Variants in SNTG1 observed in about 807,000 individuals in gnomAD.
SNTG1 encodes the protein gamma-1-syntrophin.
A neutral mutation model predicts 74.7 loss-of-function variants in SNTG1; 39 were observed. That is an observed-to-expected ratio of 0.52 (90% CI 0.40 to 0.68). The LOEUF (loss-of-function observed/expected upper bound fraction) is 0.68. SNTG1 is among the 30% of genes least tolerant of loss of function. The pLI is 0.00. For synonymous variants in SNTG1, 254 were observed against 217.1 expected (o/e 1.17, Z -1.49); for missense variants, 685 against 609.5 (o/e 1.12, Z -1.30).
intron 1 of SNTG1, among the ~76,000 whole-genome samples, chr8:50,001,855 A>T (rs532582644): frequency 5.4e-4 from 82 of 152,252 alleles, no homozygotes; most frequent in African/African-American, 1.8e-3. Flanking sequence ...AGTGTATTTG[A>T]TTTATACAAC....
intron 8 of SNTG1, among the ~76,000 whole-genome samples, chr8:50,459,442 G>T (rs538747261): frequency 6.6e-6 from 1 of 151,898 alleles, no homozygotes; most frequent in Admixed American, 6.6e-5. Context: ...TAAAATATTC[G>T]AATATATATT....
At chr8:50,015,258 A>C (rs1355186281) in intron 1 of SNTG1, among the ~76,000 whole-genome samples, 1 of 152,130 alleles carries the variant, frequency 6.6e-6, no homozygotes, top group Non-Finnish European at 1.5e-5. Flanking sequence ...GGAATAAGAA[A>C]TCCACCAGAG....
chr8:50,558,613 C>G (rs977551930), intron 12 of SNTG1, among the ~76,000 whole-genome samples: 3 of 151,422 alleles, frequency 2.0e-5, no homozygotes, highest in African/African-American at 7.3e-5. Flanking sequence ...TGAGGTATAA[C>G]CGGTGGGAAA....
At chr8:50,064,427 C>A (rs1017474096) in intron 1 of SNTG1, among the ~76,000 whole-genome samples, 1 of 152,186 alleles carries the variant, frequency 6.6e-6, no homozygotes, top group South Asian at 2.1e-4. Context: ...CCCACCATCA[C>A]TCCTACATAG....
At chr8:50,303,616 A>C (rs1033634541) in intron 2 of SNTG1, among the ~76,000 whole-genome samples, 1 of 152,076 alleles carries the variant, frequency 6.6e-6, no homozygotes, top group Non-Finnish European at 1.5e-5. Context: ...ATTTTCAAAT[A>C]GTAGGTGAAT....
At chr8:50,600,525 A>G (rs2094764937) in intron 13 of SNTG1, among the ~76,000 whole-genome samples, 1 of 152,016 alleles carries the variant, frequency 6.6e-6, no homozygotes, top group Non-Finnish European at 1.5e-5. Context: ...GGTAAGTTGT[A>G]TATGTCTACG....
intron 2 of SNTG1, among the ~76,000 whole-genome samples, chr8:50,195,091 A>G (rs1339515655): frequency 5.9e-5 from 9 of 152,084 alleles, no homozygotes; most frequent in Admixed American, 5.9e-4. Context: ...CACTGACCTC[A>G]GTCTCTACTT....
chr8:50,383,774 CCT>C (rs2092529427), intron 2 of SNTG1, among the ~76,000 whole-genome samples: 1 of 152,140 alleles, frequency 6.6e-6, no homozygotes, highest in African/African-American at 2.4e-5. Flanking sequence ...TAAGGAACCT[CCT>C]GTGCATACTC....
intron 2 of SNTG1, among the ~76,000 whole-genome samples, chr8:50,368,191 G>C (rs910677126): frequency 2.0e-5 from 3 of 152,142 alleles, no homozygotes; most frequent in African/African-American, 7.2e-5. Flanking sequence ...ACAGGCCACT[G>C]TAAGCTGGAG....
chr8:50,269,386 A>G (rs2087656481), intron 2 of SNTG1, among the ~76,000 whole-genome samples: 1 of 152,222 alleles, frequency 6.6e-6, no homozygotes, highest in South Asian at 2.1e-4. Context: ...AGAAAATTTG[A>G]GCAAAATTTG....
chr8:50,096,875 G>C (rs1244439505), intron 1 of SNTG1, among the ~76,000 whole-genome samples: 1 of 152,060 alleles, frequency 6.6e-6, no homozygotes, highest in Admixed American at 6.6e-5. Context: ...ATTTGGATCT[G>C]AGTATGAAAA....
chr8:50,448,515 CTT>C (rs2093426291), intron 5 of SNTG1, among the ~76,000 whole-genome samples: 1 of 152,100 alleles, frequency 6.6e-6, no homozygotes, highest in African/African-American at 2.4e-5. Flanking sequence ...TTCAGATTGT[CTT>C]TTCAACTAGG....
At chr8:50,435,138 T>C (rs532207236) in intron 4 of SNTG1, among the ~76,000 whole-genome samples, 3 of 152,302 alleles carry the variant, frequency 2.0e-5, no homozygotes, top group South Asian at 2.1e-4. Context: ...AAGGCTTTTT[T>C]TGTAACATTG....
chr8:50,425,535 A>G (rs527334453), intron 4 of SNTG1, among the ~76,000 whole-genome samples: 257 of 152,234 alleles, frequency 1.7e-3, no homozygotes, highest in Admixed American at 5.4e-3. Flanking sequence ...GAGTTGTATA[A>G]TTATCTCATT....
At chr8:50,577,374 G>A (rs1449349152) in intron 12 of SNTG1, among the ~76,000 whole-genome samples, 1 of 150,884 alleles carries the variant, frequency 6.6e-6, no homozygotes, top group African/African-American at 2.4e-5. Context: ...ACTGTTGAAT[G>A]TGCTGTTGAA....
intron 13 of SNTG1, among the ~76,000 whole-genome samples, chr8:50,646,797 G>T: frequency 6.6e-6 from 1 of 152,100 alleles, no homozygotes. Flanking sequence ...CAGGAGGCTC[G>T]TATTATCCAA....
At chr8:50,325,990 A>G (rs952291064) in intron 2 of SNTG1, among the ~76,000 whole-genome samples, 5 of 152,044 alleles carry the variant, frequency 3.3e-5, no homozygotes, top group Admixed American at 6.5e-5. Context: ...AGATAAGATC[A>G]TGTGATTTTT....
intron 2 of SNTG1, among the ~76,000 whole-genome samples, chr8:50,303,780 T>C (rs1417152253): frequency 6.6e-6 from 1 of 152,170 alleles, no homozygotes; most frequent in Non-Finnish European, 1.5e-5. Context: ...GAACATCCTC[T>C]TCTGTGAGCT....
intron 8 of SNTG1, among the ~76,000 whole-genome samples, chr8:50,461,451 A>G (rs2093561391): frequency 6.6e-6 from 1 of 152,074 alleles, no homozygotes; most frequent in African/African-American, 2.4e-5. Flanking sequence ...ACTGTGCTTT[A>G]CTGTGTGAGG....
Sources: allele counts gnomAD v4.1 joint callset (sites outside exome capture counted in the v4.1 genomes callset), GRCh38; gene constraint gnomAD v4.1.1; transcripts MANE v1.5; gene names NCBI Gene and HGNC (gene_info 2026-07-23, HGNC 2026-07-21).